Variants in RYR3 observed in about 807,000 individuals in gnomAD.
RYR3 encodes ryanodine receptor 3, also known as brain ryanodine receptor-calcium release channel.
A neutral mutation model predicts 584.3 loss-of-function variants in RYR3; 207 were observed. The ratio of observed to expected loss-of-function variants is 0.35; its 90% CI spans 0.32 to 0.40. RYR3 has a LOEUF of 0.40. RYR3 is among the 10% of genes least tolerant of loss of function. RYR3 has a pLI of 1.00. For missense variants in RYR3, 5,616 were observed against 6,089.2 expected (o/e 0.92, Z 2.59); for synonymous variants, 2,416 against 2,248.5 (o/e 1.07, Z -2.11).
At chr15:33,857,681 G>GTCCTCACTCTTCC in intron 98 of RYR3, 99 bp from the exon 99 acceptor site, 1 of 1,475,836 alleles carries the variant, frequency 6.8e-7, no homozygotes, top group Non-Finnish European at 9.3e-7. Flanking sequence ...CTCCTTGCCC[G>GTCCTCACTCTTCC]TCCTCACTCT....
intron 57 of RYR3, among the ~76,000 whole-genome samples, chr15:33,750,600 T>C (rs1567090846): frequency 6.6e-6 from 1 of 152,236 alleles, no homozygotes; most frequent in East Asian, 1.9e-4. Context: ...CCTTTCTTTG[T>C]ATATTCTCTT....
At chr15:33,616,168 G>GA (rs1205205637) in intron 19 of RYR3, among the ~76,000 whole-genome samples, 1 of 152,144 alleles carries the variant, frequency 6.6e-6, no homozygotes. Flanking sequence ...CAAGTCATCT[G>GA]AAAAAACTAC....
intron 102 of RYR3, among the ~76,000 whole-genome samples, chr15:33,863,669 G>A (rs1032903719): frequency 6.6e-6 from 1 of 152,038 alleles, no homozygotes; most frequent in Non-Finnish European, 1.5e-5. Context: ...CAAAACTATA[G>A]TTCTGGAAGA....
chr15:33,618,279 TA>T (rs1158603491), intron 19 of RYR3, among the ~76,000 whole-genome samples: 1 of 152,232 alleles, frequency 6.6e-6, no homozygotes, highest in Non-Finnish European at 1.5e-5. Flanking sequence ...CTCTAATTTA[TA>T]AAAATAACCA....
rs1168377917 is a variant in RYR3 at position 33,662,786 on chromosome 15, C to T, written c.5256C>T (p.Pro1752=). Residue 1752 remains proline, a synonymous_variant, in exon 35 of 104, where the codon CCC becomes CCT. Coordinates refer to ENST00000634891, the MANE Select transcript of RYR3 (RefSeq NM_001036.6). The part of the protein sequence containing the change: ...DVRQILLLID[P]SVFGEHSAGT... ...GGCAGATCCTCCTCCTGATTGATCC[C>T]TCTGTGTTTGGGGAGCATAGTGCGG... 6.2e-7 allele frequency: 1 copy of T among 1,613,876 alleles called. No individual in the cohort carries two copies. Among genetic ancestry groups the T allele is most frequent in the African/African-American group, 1.3e-5 (1 of 74,904 alleles).
chr15:33,550,018 C>A, intron 9 of RYR3, 142 bp from the exon 10 acceptor site: 3 of 766,630 alleles, frequency 3.9e-6, no homozygotes, highest in Non-Finnish European at 4.1e-6. Flanking sequence ...TACAGCAAGC[C>A]AGCAGCCTGG....
At chr15:33,600,404 CCT>C (rs1372216072) in intron 16 of RYR3, among the ~76,000 whole-genome samples, 5 of 152,068 alleles carry the variant, frequency 3.3e-5, no homozygotes, top group Admixed American at 1.3e-4. Context: ...TTTGCGCATT[CCT>C]CTCTGTGAAG....
In RYR3 at chr15:33,798,342, C is replaced by T. The variant is rs1018728289; in HGVS notation, c.9831-2428C>T. On this transcript the variant is annotated intron_variant, in intron 67 of 103. Transcript: ENST00000634891. ...CTGACCTCAAGTGATCCACCTGTCT[C>T]GGCCTCCCAAAGTGCTGGGATTACA... Among the ~76,000 whole-genome samples, 48 of 152,288 alleles carry T rather than the reference C, an allele frequency of 3.2e-4. 1 individual carries two copies. Among genetic ancestry groups the T allele is most frequent in the Admixed American group, 2.5e-3 (39 of 15,296 alleles).
intron 12 of RYR3, among the ~76,000 whole-genome samples, chr15:33,567,532 G>A (rs1409631920): frequency 6.6e-6 from 1 of 152,190 alleles, no homozygotes; most frequent in Non-Finnish European, 1.5e-5. Flanking sequence ...TCCAAGGGAT[G>A]TGTATTAGGA....
chr15:33,673,527 CT>C (rs777430996), intron 38 of RYR3, among the ~76,000 whole-genome samples: 2 of 152,106 alleles, frequency 1.3e-5, no homozygotes, highest in African/African-American at 2.4e-5. Context: ...TACTAAGTCA[CT>C]TTTTTTTCGT....
At chr15:33,521,989 C>T (rs1404176018) in intron 3 of RYR3, among the ~76,000 whole-genome samples, 1 of 151,486 alleles carries the variant, frequency 6.6e-6, no homozygotes, top group Non-Finnish European at 1.5e-5. Context: ...TGCGGTGGCT[C>T]ATGCCTGTAA....
intron 43 of RYR3, among the ~76,000 whole-genome samples, chr15:33,718,781 A>G (rs1355461433): frequency 1.3e-5 from 2 of 152,110 alleles, no homozygotes; most frequent in African/African-American, 4.8e-5. Flanking sequence ...TTTCCATCCA[A>G]CTATTCAGGA....
intron 1 of RYR3, among the ~76,000 whole-genome samples, chr15:33,408,630 T>G (rs2043181538): frequency 6.6e-6 from 1 of 152,244 alleles, no homozygotes; most frequent in Non-Finnish European, 1.5e-5. Flanking sequence ...TGTATAAGCA[T>G]TCCCTTTTCT....
rs1482717144 is a variant in RYR3, at chr15:33,838,072, G to T, written c.12092G>T (p.Arg4031Leu). 10 of 1,613,860 alleles carry T rather than the reference G, an allele frequency of 6.2e-6. No individual in the cohort carries two copies. Among genetic ancestry groups the T allele is most frequent in the Non-Finnish European group, 8.5e-6 (10 of 1,179,904 alleles). The change falls in exon 89 of 104, where the codon CGC (arginine) becomes CTC (leucine). Residue 4031 changes from arginine (R) to leucine (L), a missense_variant. Physicochemically the swap from Arg to Leu is moderately radical, Grantham distance 102. Transcript: ENST00000634891. Reference sequence around the variant, plus strand: ...AATTACTTCGAACCCTACCTAGGACGCATCGAGATCATGGGTGGGGCCAAG... The same window carrying T: ...AATTACTTCGAACCCTACCTAGGACTCATCGAGATCATGGGTGGGGCCAAG... ...VLNYFEPYLG[R>L]IEIMGGAKKI...
intron 44 of RYR3, 115 bp downstream of exon 44, chr15:33,723,010 G>C (rs2068065296): frequency 3.2e-6 from 3 of 937,354 alleles, no homozygotes; most frequent in Non-Finnish European, 4.8e-6. Flanking sequence ...AACAGTTACA[G>C]CTAAAACATT....
At chr15:33,573,460 A>G (rs1280855365) in intron 12 of RYR3, among the ~76,000 whole-genome samples, 2 of 152,218 alleles carry the variant, frequency 1.3e-5, no homozygotes, top group Non-Finnish European at 2.9e-5. Context: ...TTAAAATTTC[A>G]TCATGCTATC....
intron 1 of RYR3, among the ~76,000 whole-genome samples, chr15:33,441,463 A>G (rs2046225819): frequency 3.3e-5 from 5 of 152,184 alleles, no homozygotes; most frequent in Admixed American, 3.3e-4. Context: ...AGGTTCTGTT[A>G]CTATTCCCAT....
chr15:33,620,123 C>T (rs1046902067), intron 19 of RYR3, among the ~76,000 whole-genome samples: 1 of 152,096 alleles, frequency 6.6e-6, no homozygotes, highest in African/African-American at 2.4e-5. Flanking sequence ...AGATGGTGGG[C>T]TCATTCATGG....
rs1967290901 is a variant in RYR3, at chr15:33,311,562, G to C, written c.51+466G>C. 6.6e-6 allele frequency among the ~76,000 whole-genome samples: 1 copy of C among 152,198 alleles called. No individual in the cohort carries two copies. Among genetic ancestry groups the C allele is most frequent in the Non-Finnish European group, 1.5e-5 (1 of 68,032 alleles). On this transcript the variant is annotated intron_variant, in intron 1 of 103. Coordinates refer to ENST00000634891, the MANE Select transcript of RYR3 (RefSeq NM_001036.6). This position sits in a 1 kb window ranked among gnomAD's most constrained non-coding sequence, Gnocchi z 4.4. ...GGGAACCTCCGGGAAGGAGCCAGCG[G>C]GGCAGGGGGGAGTGTGGGGAGCCGG...
Sources: allele counts gnomAD v4.1 joint callset (sites outside exome capture counted in the v4.1 genomes callset), GRCh38; gene constraint gnomAD v4.1.1; non-coding constraint Gnocchi (gnomAD v3.1); transcripts MANE v1.5; gene names NCBI Gene and HGNC (gene_info 2026-07-23, HGNC 2026-07-21).